The following TCIRG1 variants were observed in gnomAD, a reference collection of about 807,000 sequenced individuals.
TCIRG1 encodes the protein T cell immune regulator 1, ATPase H+ transporting V0 subunit a3.
TCIRG1 carries 86 observed loss-of-function variants against 95.5 expected under a neutral mutation model. The observed-to-expected ratio is 0.90, with a 90% CI of 0.76 to 1.08. The LOEUF (loss-of-function observed/expected upper bound fraction) is 1.08. Among genes scored for constraint, TCIRG1 ranks in the 50% least tolerant of loss-of-function variants. The probability of loss-of-function intolerance (pLI) is 0.00; values close to 1 mark genes in which losing one functional copy is unlikely to be tolerated. For synonymous variants in TCIRG1, 499 were observed against 501.3 expected (o/e 1.00, Z 0.06); for missense variants, 1,069 against 1,140.2 (o/e 0.94, Z 0.90).
rs1057517365 is a variant in TCIRG1, at chr11:68,048,883, G to A, written c.1559G>A (p.Trp520Ter). 2.5e-6 allele frequency: 4 copies of A among 1,609,896 alleles called. No individual in the cohort carries two copies. Among genetic ancestry groups the A allele is most frequent in the Non-Finnish European group, 2.5e-6 (3 of 1,179,094 alleles). Residue 520 changes from tryptophan to a stop codon, truncating the protein, a stop_gained, in exon 14 of 20, where the codon TGG becomes TAG. Coordinates refer to ENST00000265686, the MANE Select transcript of TCIRG1 (RefSeq NM_006019.4). LOFTEE classifies it high-confidence loss of function. Reference sequence around the variant, plus strand: ...CCACCCCTGCTGCCACCCTAGATTTGGAGCCTGGCTGCCAACCACTTGAGC... The same window carrying A: ...CCACCCCTGCTGCCACCCTAGATTTAGAGCCTGGCTGCCAACCACTTGAGC... ...GPYPFGIDPI[W>*]SLAANHLSFL...
chr11:68,048,357 G>C (rs1020953718), intron 13 of TCIRG1: 1 of 349,256 alleles, frequency 2.9e-6, no homozygotes, highest in Non-Finnish European at 5.5e-6. Flanking sequence ...GCAGTGGTGT[G>C]ATCTTGGCTC....
intron 10 of TCIRG1, 81 bp from the exon 11 acceptor site, chr11:68,047,352 C>T (rs1855552632): frequency 3.5e-6 from 5 of 1,445,374 alleles, no homozygotes; most frequent in East Asian, 3.1e-5. Flanking sequence ...TGCAGGCCAG[C>T]AGGGCCTCCG....
At position 68,042,844 on chromosome 11, in the gene TCIRG1, G is replaced by T; in HGVS notation, c.398G>T (p.Arg133Leu). The T allele has an allele frequency of 6.5e-7, 1 of 1,549,364 alleles. No homozygotes were observed. The highest frequency in any genetic ancestry group is 8.7e-7 in the Non-Finnish European group (1 of 1,146,394). ...CTGCAGCTCCACGCCGCCGTGCTACGCCAGGGCCATGAACCTCAGGTCAGC... is the reference window on the plus strand; with the variant it reads ...CTGCAGCTCCACGCCGCCGTGCTACTCCAGGGCCATGAACCTCAGGTCAGC... ...HQLQLHAAVLRQGHEPQLAAA... is the reference protein window; with the variant it reads ...HQLQLHAAVLLQGHEPQLAAA... The change falls in exon 4 of 20, where the codon CGC (arginine) becomes CTC (leucine). Residue 133 changes from arginine to leucine, a missense_variant. Coordinates refer to ENST00000265686, the MANE Select transcript of TCIRG1 (RefSeq NM_006019.4).
chr11:68,040,609 C>T (rs1201059319), intron 1 of TCIRG1, among the ~76,000 whole-genome samples: 2 of 152,150 alleles, frequency 1.3e-5, no homozygotes, highest in South Asian at 2.1e-4. Flanking sequence ...GCATCCAGGG[C>T]GGGTTGGAGG....
Position 68,049,127 on chromosome 11 carries a change from C to G in TCIRG1, c.1720C>G (p.Leu574Val), listed in dbSNP as rs1205816098. Residue 574 changes from leucine to valine, a missense_variant, in exon 15 of 20, where the codon CTC (leucine) becomes GTC (valine). Leu to Val is a conservative substitution (Grantham distance 32). Coordinates refer to ENST00000265686, the MANE Select transcript of TCIRG1 (RefSeq NM_006019.4). ...HRLLLETLPE[L>V]TFLLGLFGYL... ...GCTGCTGCTGGAGACGCTGCCGGAG[C>G]TCACCTTCCTGCTGGGACTCTTCGG... 15 of 1,613,692 alleles carry G rather than the reference C, an allele frequency of 9.3e-6. No homozygotes were observed. Among genetic ancestry groups the G allele is most frequent in the Non-Finnish European group, 1.2e-5 (14 of 1,180,022 alleles).
In TCIRG1 at chr11:68,044,969, A is replaced by C. The variant is rs558065593; in HGVS notation, c.1032A>C (p.Gly344=). The C allele has an allele frequency of 7.5e-6, 12 of 1,607,956 alleles. No individual in the cohort carries two copies. Among genetic ancestry groups the C allele is most frequent in the Non-Finnish European group, 1.0e-5 (12 of 1,179,964 alleles). Residue 344 remains glycine, a synonymous_variant, in exon 10 of 20, where the codon GGA becomes GGC. Transcript: ENST00000265686. The part of the protein sequence containing the change: ...EALRDSSMEE[G]VSAVAHRIPC... ...GCCCTGGCACCCAGATGGAGGAGGG[A>C]GTGAGTGCCGTGGCTCACCGCATCC...
chr11:68,050,540 C>A lies in TCIRG1; in HGVS notation c.2290C>A (p.Arg764=), dbSNP rs374229841. The change falls in exon 19 of 20, where the codon CGG becomes AGG. Residue 764 remains arginine (R), a synonymous_variant. Transcript: ENST00000265686. The stretch of plus-strand genomic sequence containing the variant: ...GATGCGCATAGGCCTGGGCCTGGGC[C>A]GGGAGGTGGGCGTGGCGGCTGTGGT... ...MVMRIGLGLG[R]EVGVAAVVLV... The A allele has an allele frequency of 1.1e-5, 18 of 1,613,618 alleles. No individual in the cohort carries two copies. In the African/African-American group the frequency reaches 2.1e-4, roughly 19 times the overall value.
chr11:68,043,010 C>T lies in TCIRG1; in HGVS notation c.482C>T (p.Pro161Leu), dbSNP rs34227834. 2.5e-3 allele frequency: 3,809 copies of T among 1,551,700 alleles called. 7 individuals are homozygous for T. Among genetic ancestry groups the T allele is most frequent in the Non-Finnish European group, 3.1e-3 (3,548 of 1,147,702 alleles). Reference sequence around the variant, plus strand: ...CCCCTGCTCCAGGCCCCCGGGGGGCCGCACCAGGACCTGAGGGTCAAGTGA... The same window carrying T: ...CCCCTGCTCCAGGCCCCCGGGGGGCTGCACCAGGACCTGAGGGTCAAGTGA... ...RTPLLQAPGG[P>L]HQDLRVNFVA... Residue 161 changes from proline (P) to leucine (L), a missense_variant, in exon 5 of 20, where the codon CCG becomes CTG. Pro to Leu is a moderately conservative substitution (Grantham distance 98). Coordinates refer to ENST00000265686, the MANE Select transcript of TCIRG1 (RefSeq NM_006019.4).
chr11:68,043,831 TC>T lies in TCIRG1; in HGVS notation c.734del (p.Pro245ArgfsTer34). ...KITDCFHCHV[F>X]PFLQQEEARL... Reference sequence around the variant, plus strand: ...CCCTCCAGCTTCCACTGCCACGTCTTCCCGTTTCTGCAGCAGGAGGAGGCCC... The same window carrying T: ...CCCTCCAGCTTCCACTGCCACGTCTTCCGTTTCTGCAGCAGGAGGAGGCCC... On this transcript the variant is annotated frameshift_variant, in exon 8 of 20. Transcript: ENST00000265686. LOFTEE classifies it high-confidence loss of function. The T allele has an allele frequency of 6.4e-7, 1 of 1,562,922 alleles. No homozygotes were observed. Among genetic ancestry groups the T allele is most frequent in the South Asian group, 1.2e-5 (1 of 85,048 alleles).
Position 68,049,009 on chromosome 11 carries a change from G to A in TCIRG1, c.1673+12G>A. 2 of 1,613,272 alleles carry A rather than the reference G, an allele frequency of 1.2e-6. No individual in the cohort carries two copies. The highest frequency in any genetic ancestry group is 1.7e-6 in the Non-Finnish European group (2 of 1,179,838). On this transcript the variant is annotated intron_variant, in intron 14 of 19. Coordinates refer to ENST00000265686, the MANE Select transcript of TCIRG1 (RefSeq NM_006019.4). ...GTCTTCAACCACGTGTGAGGGCCAAGGCTGCCCGGGGGACGGGAGGCTGGC... is the reference window on the plus strand; with the variant it reads ...GTCTTCAACCACGTGTGAGGGCCAAAGCTGCCCGGGGGACGGGAGGCTGGC...
Position 68,047,515 on chromosome 11 carries a change from C to T in TCIRG1, c.1248C>T (p.Phe416=), listed in dbSNP as rs762181503. ...GCCACGGGCTGCTCATGTTCCTGTT[C>T]GCCCTGGCCATGGTCCTTGCGGAGA... ...DVGHGLLMFL[F]ALAMVLAENR... The change falls in exon 11 of 20, where the codon TTC becomes TTT. Residue 416 remains phenylalanine (F), a synonymous_variant. Transcript: ENST00000265686. The T allele has an allele frequency of 3.8e-5, 62 of 1,614,000 alleles. No homozygotes were observed. The highest frequency in any genetic ancestry group is 1.2e-4 in the South Asian group (11 of 91,086).
Position 68,045,010 on chromosome 11 carries a change from C to T in TCIRG1, c.1073C>T (p.Pro358Leu), listed in dbSNP as rs2134445007. Reference sequence around the variant, plus strand: ...CACCGCATCCCCTGCCGGGACATGCCCCCCACACTCATCCGCACCAACCGC... The same window carrying T: ...CACCGCATCCCCTGCCGGGACATGCTCCCCACACTCATCCGCACCAACCGC... ...VAHRIPCRDM[P>L]PTLIRTNRFT... Residue 358 changes from proline (P) to leucine (L), a missense_variant, in exon 10 of 20, where the codon CCC (proline) becomes CTC (leucine). Coordinates refer to ENST00000265686, the MANE Select transcript of TCIRG1 (RefSeq NM_006019.4). The T allele has an allele frequency of 2.5e-6, 4 of 1,608,682 alleles. No homozygotes were observed. Among genetic ancestry groups the T allele is most frequent in the South Asian group, 1.1e-5 (1 of 91,084 alleles).
intron 10 of TCIRG1, 116 bp from the exon 11 acceptor site, chr11:68,047,317 G>A: frequency 1.8e-6 from 2 of 1,102,568 alleles, no homozygotes; most frequent in Non-Finnish European, 2.6e-6. Flanking sequence ...CACTGTGCCT[G>A]GCTGCTAAGT....
At position 68,047,414 on chromosome 11, in the gene TCIRG1, C is replaced by A. The variant is rs756783283; in HGVS notation, c.1166-19C>A. On this transcript the variant is annotated intron_variant, in intron 10 of 19. Transcript: ENST00000265686. ...CTGGTGTGTTCGGGGGTTCCCAGCTCACCCACCTCTGCCCACAGCTCCCTA... is the reference window on the plus strand; with the variant it reads ...CTGGTGTGTTCGGGGGTTCCCAGCTAACCCACCTCTGCCCACAGCTCCCTA... 2.7e-5 allele frequency: 43 copies of A among 1,613,426 alleles called. No individual in the cohort carries two copies. The South Asian group carries it at 4.6e-4, about 17-fold the overall frequency.
chr11:68,046,569 A>G (rs1855497709), intron 10 of TCIRG1, among the ~76,000 whole-genome samples: 1 of 152,098 alleles, frequency 6.6e-6, no homozygotes, highest in Admixed American at 6.5e-5. Flanking sequence ...TGACCTCTGT[A>G]AGGACCCTGT....
At chr11:68,045,693 A>T (rs1855444619) in intron 10 of TCIRG1, among the ~76,000 whole-genome samples, 1 of 152,140 alleles carries the variant, frequency 6.6e-6, no homozygotes, top group Non-Finnish European at 1.5e-5. Flanking sequence ...AGCTGGGATT[A>T]CAGGCACGCA....
chr11:68,041,305 C>A lies in TCIRG1; in HGVS notation c.34C>A (p.Leu12Met). The A allele has an allele frequency of 6.2e-7, 1 of 1,613,194 alleles. No individual in the cohort carries two copies. Among genetic ancestry groups the A allele is most frequent in the East Asian group, 2.2e-5 (1 of 44,884 alleles). ...GSMFRSEEVALVQLFLPTAAA... is the reference protein window; with the variant it reads ...GSMFRSEEVAMVQLFLPTAAA... ...CATGTTCCGGAGCGAGGAGGTGGCCCTGGTCCAGCTCTTTCTGCCCACAGC... is the reference window on the plus strand; with the variant it reads ...CATGTTCCGGAGCGAGGAGGTGGCCATGGTCCAGCTCTTTCTGCCCACAGC... Residue 12 changes from leucine to methionine, a missense_variant, in exon 2 of 20, where the codon CTG becomes ATG. Leu to Met is a conservative substitution (Grantham distance 15, BLOSUM62 2). Transcript: ENST00000265686.
In TCIRG1 at chr11:68,050,632, C is replaced by T. The variant is rs1281801607; in HGVS notation, c.2382C>T (p.Leu794=). Residue 794 remains leucine, a synonymous_variant, in exon 19 of 20, where the codon CTC becomes CTT. Transcript: ENST00000265686. The part of the protein sequence containing the change: ...TVAILLVMEG[L]SAFLHALRLH... Reference sequence around the variant, plus strand: ...CTATCCTGCTGGTGATGGAGGGACTCTCAGCCTTCCTGCACGCCCTGCGGC... The same window carrying T: ...CTATCCTGCTGGTGATGGAGGGACTTTCAGCCTTCCTGCACGCCCTGCGGC... The T allele has an allele frequency of 3.7e-6, 6 of 1,613,416 alleles. No individual in the cohort carries two copies. The Admixed American group carries it at 8.3e-5, about 22-fold the overall frequency.
chr11:68,050,290 C>T (rs1223344734), intron 18 of TCIRG1, 36 bp downstream of exon 18: 34 of 1,605,022 alleles, frequency 2.1e-5, no homozygotes, highest in Non-Finnish European at 2.6e-5. Context: ...GGCCCCAGCT[C>T]CTGGCTTCTC....
Sources: allele counts gnomAD v4.1 joint callset (sites outside exome capture counted in the v4.1 genomes callset), GRCh38; gene constraint gnomAD v4.1.1; transcripts MANE v1.5; gene names NCBI Gene and HGNC (gene_info 2026-07-23, HGNC 2026-07-21).